The following ZNF727 variants were observed in gnomAD, a reference collection of about 807,000 sequenced individuals.
The protein encoded by ZNF727 is zinc finger protein 727.
A neutral mutation model predicts 11.5 loss-of-function variants in ZNF727; 11 were observed. The ratio of observed to expected loss-of-function variants is 0.95; its 90% confidence interval spans 0.60 to 1.58. ZNF727 has a LOEUF of 1.58. Ranked by LOEUF, ZNF727 falls within the 40% of genes most tolerant of loss-of-function variation. ZNF727 has a pLI of 0.00. For missense variants in ZNF727, 533 were observed against 581.7 expected (o/e 0.92, Z 0.86); for synonymous variants, 171 against 196.1 (o/e 0.87, Z 1.07).
At chr7:64,052,787 C>A (rs1789623604) in intron 1 of ZNF727, among the ~76,000 whole-genome samples, 1 of 152,184 alleles carries the variant, frequency 6.6e-6, no homozygotes, top group Admixed American at 6.5e-5. Flanking sequence ...TCACTTCTTG[C>A]ATCAGTGTGA....
At chr7:64,059,933 T>C (rs546426283) in intron 1 of ZNF727, among the ~76,000 whole-genome samples, 1 of 152,306 alleles carries the variant, frequency 6.6e-6, no homozygotes, top group East Asian at 1.9e-4. Flanking sequence ...AATGTCTTTC[T>C]CTAGGACCTG....
chr7:64,078,353 G>A lies in ZNF727; in HGVS notation c.1304G>A (p.Trp435Ter). 1 of 1,579,090 alleles carries A rather than the reference G, an allele frequency of 6.3e-7. No homozygotes were observed. Among genetic ancestry groups the A allele is most frequent in the Non-Finnish European group, 8.6e-7 (1 of 1,162,100 alleles). ...GAAGAATGTGGCAAAACCTTTAAGT[G>A]GTTCCCAGACCTGACTAATCATAAG... Reference protein sequence around the residue: ...KCEECGKTFKWFPDLTNHKRI... With the variant: ...KCEECGKTFK Residue 435 changes from tryptophan to a stop codon, truncating the protein, a stop_gained, in exon 4 of 4, where the codon TGG becomes TAG. Transcript: ENST00000456806. LOFTEE classifies it low-confidence loss of function (END_TRUNC).
chr7:64,058,494 C>G (rs1221075873), intron 1 of ZNF727, among the ~76,000 whole-genome samples: 1 of 152,150 alleles, frequency 6.6e-6, no homozygotes, highest in Non-Finnish European at 1.5e-5. Flanking sequence ...AGACTTATCC[C>G]TGTCCCCAGA....
chr7:64,057,812 A>G (rs971878480), intron 1 of ZNF727, among the ~76,000 whole-genome samples: 1 of 152,164 alleles, frequency 6.6e-6, no homozygotes, highest in African/African-American at 2.4e-5. Context: ...ATTTGAAAAC[A>G]TCATAATCTG....
At chr7:64,060,532 A>G (rs7793587) in intron 1 of ZNF727, among the ~76,000 whole-genome samples, 97,189 of 152,114 alleles carry the variant, frequency 0.64, 31,797 homozygotes, top group Non-Finnish European at 0.71. Context: ...TTCCAGCCCC[A>G]TCTTTCAATG....
chr7:64,049,352 C>A (rs532745278), intron 1 of ZNF727, among the ~76,000 whole-genome samples: 2 of 151,620 alleles, frequency 1.3e-5, no homozygotes, highest in African/African-American at 2.4e-5. Flanking sequence ...ACCTCTAAAC[C>A]CAGCAAGATT....
chr7:64,045,691 G>C, intron 1 of ZNF727, 67 bp downstream of exon 1: 1 of 1,549,474 alleles, frequency 6.5e-7, no homozygotes, highest in African/African-American at 1.4e-5. Flanking sequence ...GGAACTGGCT[G>C]CGGTGGGATC....
chr7:64,062,700 A>G (rs143773871), intron 1 of ZNF727, among the ~76,000 whole-genome samples: 2,586 of 144,564 alleles, frequency 0.018, 181 homozygotes, highest in Non-Finnish European at 0.032. Flanking sequence ...ATATATATAT[A>G]TATGAAGTTC....
chr7:64,069,211 C>T (rs1789919898), intron 2 of ZNF727, among the ~76,000 whole-genome samples, 194 bp downstream of exon 2: 1 of 151,606 alleles, frequency 6.6e-6, no homozygotes, highest in Non-Finnish European at 1.5e-5. Context: ...CTTTTTTGAG[C>T]TCATCTGTAT....
intron 3 of ZNF727, among the ~76,000 whole-genome samples, chr7:64,072,528 A>G (rs1304460642): frequency 6.6e-6 from 1 of 152,048 alleles, no homozygotes; most frequent in Admixed American, 6.6e-5. Flanking sequence ...ACAAACTGTG[A>G]CTATCGGTGC....
intron 1 of ZNF727, among the ~76,000 whole-genome samples, chr7:64,067,914 TTAAC>T (rs1440045922): frequency 1.3e-5 from 2 of 152,060 alleles, no homozygotes; most frequent in South Asian, 2.1e-4. Context: ...AAAAAAAAGT[TTAAC>T]TAAAAAAGAG....
At chr7:64,050,810 GTGTA>G (rs1189942114) in intron 1 of ZNF727, among the ~76,000 whole-genome samples, 104 of 122,992 alleles carry the variant, frequency 8.5e-4, no homozygotes, top group African/African-American at 2.5e-3. Context: ...GTGTGTGTGT[GTGTA>G]TGTATGTATA....
intron 1 of ZNF727, among the ~76,000 whole-genome samples, chr7:64,046,178 G>A (rs1470022182): frequency 6.6e-6 from 1 of 152,012 alleles, no homozygotes; most frequent in Admixed American, 6.6e-5. Context: ...CCGCCACCTC[G>A]CCTGGTTTTG....
At chr7:64,063,436 C>T (rs555452769) in intron 1 of ZNF727, among the ~76,000 whole-genome samples, 49 of 152,270 alleles carry the variant, frequency 3.2e-4, no homozygotes, top group African/African-American at 1.1e-3. Context: ...GGTTACCAGG[C>T]AGACTCTTTT....
intron 1 of ZNF727, among the ~76,000 whole-genome samples, chr7:64,064,807 G>A (rs1789837225): frequency 3.3e-5 from 5 of 152,142 alleles, no homozygotes; most frequent in Admixed American, 2.6e-4. Flanking sequence ...TCTGCCCCAT[G>A]TTGCTTTCTG....
In ZNF727 at chr7:64,069,577, C is replaced by T; in HGVS notation, c.194C>T (p.Ala65Val). ...YLEQRKEPWN[A>V]RRQKTVAKHP... The stretch of plus-strand genomic sequence containing the variant: ...GAGCAAAGAAAAGAGCCTTGGAATG[C>T]GAGGAGACAGAAGACAGTAGCCAAA... Residue 65 changes from alanine to valine, a missense_variant, in exon 3 of 4, where the codon GCG (alanine) becomes GTG (valine). Ala to Val is a moderately conservative substitution (Grantham distance 64). Transcript: ENST00000456806. The T allele has an allele frequency of 6.4e-7, 1 of 1,565,264 alleles. No homozygotes were observed. Among genetic ancestry groups the T allele is most frequent in the Middle Eastern group, 1.7e-4 (1 of 5,986 alleles).
intron 2 of ZNF727, among the ~76,000 whole-genome samples, chr7:64,069,278 C>G (rs1186250892): frequency 6.6e-6 from 1 of 151,868 alleles, no homozygotes; most frequent in Non-Finnish European, 1.5e-5. Context: ...TATTGTTACC[C>G]ACTCCTAAAA....
chr7:64,051,643 AT>A (rs907752816), intron 1 of ZNF727, among the ~76,000 whole-genome samples: 2 of 151,792 alleles, frequency 1.3e-5, no homozygotes, highest in East Asian at 1.9e-4. Flanking sequence ...AAAAACTTCA[AT>A]TTTTTTTTCC....
chr7:64,074,762 G>A lies in ZNF727; in HGVS notation c.227-2514G>A, dbSNP rs111766483. 3.3e-3 allele frequency among the ~76,000 whole-genome samples: 510 copies of A among 152,242 alleles called. 5 individuals carry two copies. Among genetic ancestry groups the A allele is most frequent in the African/African-American group, 0.012 (497 of 41,572 alleles). On this transcript the variant is annotated intron_variant, in intron 3 of 3. Transcript: ENST00000456806. ...AAGCTTAGAAATTTAAATGCTGTAT[G>A]AGAAATGCCTGTACTGTGGAATAGT...
Sources: gnomAD v4.1 joint callset for allele counts (sites outside exome capture counted in the v4.1 genomes callset) on GRCh38, gnomAD v4.1.1 for gene constraint, MANE v1.5 for transcripts, NCBI Gene and HGNC (gene_info 2026-07-23, HGNC 2026-07-21) for gene names.